The following CACHD1 variants were observed in gnomAD, a reference collection of about 807,000 sequenced individuals.
CACHD1 encodes the protein cache domain containing 1, also known as VWFA and cache domain-containing protein 1.
In CACHD1, 71 loss-of-function variants were observed where a neutral mutation model predicts 138.7. The ratio of observed to expected loss-of-function variants is 0.51; its 90% CI spans 0.42 to 0.62. CACHD1 has a LOEUF of 0.62. CACHD1 is among the 20% of genes least tolerant of loss of function. The pLI, the probability that CACHD1 is intolerant of heterozygous loss-of-function variation, is 0.00. For synonymous variants in CACHD1, 578 were observed against 591.5 expected, an observed-to-expected ratio of 0.98 and a Z score of 0.33; for missense variants, 1,389 against 1,625.3, an observed-to-expected ratio of 0.85 and a Z score of 2.50.
intron 3 of CACHD1, among the ~76,000 whole-genome samples, chr1:64,590,717 A>C (rs568176657): frequency 6.6e-6 from 1 of 152,190 alleles, no homozygotes; most frequent in Non-Finnish European, 1.5e-5. Flanking sequence ...AACTGAACTC[A>C]AGCATGAGCT....
intron 5 of CACHD1, among the ~76,000 whole-genome samples, chr1:64,631,919 G>C (rs1263858965): frequency 1.3e-5 from 2 of 152,024 alleles, no homozygotes; most frequent in Non-Finnish European, 2.9e-5. Context: ...AAAGGAAAGG[G>C]GCCTCTTAGC....
chr1:64,647,361 GAAGT>G (rs1334368651), intron 8 of CACHD1, among the ~76,000 whole-genome samples: 2 of 152,180 alleles, frequency 1.3e-5, no homozygotes, highest in African/African-American at 4.8e-5. Flanking sequence ...TATAGGTGAA[GAAGT>G]AAGGAATGAA....
chr1:64,652,426 T>A, intron 10 of CACHD1, 116 bp downstream of exon 10: 1 of 904,838 alleles, frequency 1.1e-6, no homozygotes. Flanking sequence ...GCATTGTGAC[T>A]AAGATTGCTC....
At chr1:64,525,532 T>A (rs1646531829) in intron 1 of CACHD1, among the ~76,000 whole-genome samples, 1 of 152,234 alleles carries the variant, frequency 6.6e-6, no homozygotes, top group South Asian at 2.1e-4. Flanking sequence ...GTATTACTGA[T>A]GATCAAATAC....
intron 1 of CACHD1, among the ~76,000 whole-genome samples, chr1:64,523,236 G>A (rs1646511325): frequency 6.6e-6 from 1 of 152,190 alleles, no homozygotes; most frequent in African/African-American, 2.4e-5. Context: ...AATAATCTAG[G>A]TTGGGGAAAG....
intron 1 of CACHD1, among the ~76,000 whole-genome samples, chr1:64,510,428 T>C (rs1176055635): frequency 6.6e-6 from 1 of 152,112 alleles, no homozygotes; most frequent in Non-Finnish European, 1.5e-5. Context: ...ACTTTGAGCA[T>C]TAGGCAGCAA....
At chr1:64,637,150 C>G (rs906102943) in intron 7 of CACHD1, among the ~76,000 whole-genome samples, 1 of 152,208 alleles carries the variant, frequency 6.6e-6, no homozygotes, top group African/African-American at 2.4e-5. Flanking sequence ...CTACCAAATT[C>G]TTCTGTCATC....
At chr1:64,522,308 A>T (rs1356101540) in intron 1 of CACHD1, among the ~76,000 whole-genome samples, 2 of 148,922 alleles carry the variant, frequency 1.3e-5, no homozygotes, top group African/African-American at 2.5e-5. Flanking sequence ...CAACCCCCAC[A>T]TTTTTTTTTT....
In CACHD1 at chr1:64,513,656, G is replaced by A. The variant is rs577225291; in HGVS notation, c.199-36938G>A. Among the ~76,000 whole-genome samples the A allele has an allele frequency of 5.3e-5, 8 of 152,318 alleles. No individual in the cohort carries two copies. The East Asian group carries it at 1.2e-3, about 22-fold the overall frequency. On this transcript the variant is annotated intron_variant, in intron 1 of 26. Coordinates refer to ENST00000651257, the MANE Select transcript of CACHD1 (RefSeq NM_020925.4). ...CCATGAAAAGGACTCAAAGGAAAGA[G>A]TGCTTACTTTCTAGTTTTTTAATGG...
intron 1 of CACHD1, among the ~76,000 whole-genome samples, chr1:64,497,100 C>T (rs1366602930): frequency 6.6e-6 from 1 of 151,822 alleles, no homozygotes; most frequent in African/African-American, 2.4e-5. Context: ...CCATTGGCTA[C>T]TGATTATTAG....
intron 4 of CACHD1, among the ~76,000 whole-genome samples, chr1:64,627,680 C>T (rs915127508): frequency 5.9e-5 from 9 of 152,158 alleles, no homozygotes; most frequent in African/African-American, 2.2e-4. Context: ...GGTATAAAAA[C>T]ATAATACCGT....
In CACHD1 at chr1:64,486,104, T is replaced by C. The variant is rs1381233307; in HGVS notation, c.198+15162T>C. Among the ~76,000 whole-genome samples the C allele has an allele frequency of 7.2e-5, 11 of 152,176 alleles. No homozygotes were observed. The East Asian group carries it at 2.1e-3, about 29-fold the overall frequency. On this transcript the variant is annotated intron_variant, in intron 1 of 26. Transcript: ENST00000651257. The stretch of plus-strand genomic sequence containing the variant: ...TCATTGTTGTTTTAGTGAATATTTC[T>C]CTAATGAACAATGATGCTGAGCATT...
rs570349136 is a variant in CACHD1, at chr1:64,470,732, G to T, written c.-13G>T. 11 of 573,108 alleles carry T rather than the reference G, an allele frequency of 1.9e-5. No homozygotes were observed. The South Asian group carries it at 2.7e-4, about 14-fold the overall frequency. The allele number at this position is 573,108 out of a possible 1,614,324, so 35.5% of individuals were successfully genotyped here. ...CGCCCGGAGCCCGTCGGCGGGGAGTGGGGGGAGGCAGCATGGCCCGCCAGC... is the reference window on the plus strand; with the variant it reads ...CGCCCGGAGCCCGTCGGCGGGGAGTTGGGGGAGGCAGCATGGCCCGCCAGC... On this transcript the variant is annotated 5_prime_UTR_variant, in exon 1 of 27. Transcript: ENST00000651257. The surrounding 1 kb of genome is among the most constrained non-coding windows in gnomAD (Gnocchi z 5.2).
At chr1:64,684,748 C>G (rs1287511791) in intron 26 of CACHD1, among the ~76,000 whole-genome samples, 1 of 152,180 alleles carries the variant, frequency 6.6e-6, no homozygotes, top group African/African-American at 2.4e-5. Context: ...GAACAACTAC[C>G]AATCCTGCAA....
At chr1:64,592,779 G>A (rs905503100) in intron 3 of CACHD1, among the ~76,000 whole-genome samples, 3 of 152,098 alleles carry the variant, frequency 2.0e-5, no homozygotes, top group Non-Finnish European at 2.9e-5. Flanking sequence ...AATAAATTAC[G>A]GTAGAAGGGC....
intron 1 of CACHD1, among the ~76,000 whole-genome samples, chr1:64,503,053 C>T (rs1557464523): frequency 2.0e-5 from 3 of 152,108 alleles, no homozygotes; most frequent in South Asian, 4.2e-4. Context: ...TAGAGCCGAA[C>T]TTTTTTTTGT....
At chr1:64,503,459 G>C (rs1646351149) in intron 1 of CACHD1, among the ~76,000 whole-genome samples, 1 of 152,130 alleles carries the variant, frequency 6.6e-6, no homozygotes, top group South Asian at 2.1e-4. Flanking sequence ...TGCCTTTTAG[G>C]AATCATCTTT....
chr1:64,688,111 G>A (rs1332527194), intron 26 of CACHD1, among the ~76,000 whole-genome samples: 1 of 151,760 alleles, frequency 6.6e-6, no homozygotes, highest in African/African-American at 2.4e-5. Flanking sequence ...GTGGGAGGGT[G>A]AGCCAAGCAG....
chr1:64,602,964 G>T lies in CACHD1; in HGVS notation c.517+52G>T, dbSNP rs754776559. 3.3e-4 allele frequency: 386 copies of T among 1,154,548 alleles called. 6 individuals are homozygous for T. In the Middle Eastern group the frequency reaches 0.018, roughly 55 times the overall value. The allele number at this position is 1,154,548 out of a possible 1,614,324, so 71.5% of individuals were successfully genotyped here. On this transcript the variant is annotated intron_variant, in intron 4 of 26. Coordinates refer to ENST00000651257, the MANE Select transcript of CACHD1 (RefSeq NM_020925.4). ...ATGAACTGTATTCTACTGCATTCAA[G>T]TTGAATAAACATATTGCTTCAATTT...
Sources: allele counts gnomAD v4.1 joint callset (sites outside exome capture counted in the v4.1 genomes callset), GRCh38; gene constraint gnomAD v4.1.1; non-coding constraint Gnocchi (gnomAD v3.1); transcripts MANE v1.5; gene names NCBI Gene and HGNC (gene_info 2026-07-23, HGNC 2026-07-21).